RNF20: variants seen among roughly 807,000 people sequenced by gnomAD.
The protein encoded by RNF20 is E3 ubiquitin-protein ligase BRE1A.
A neutral mutation model predicts 126.2 loss-of-function variants in RNF20; 84 were observed. That is an observed-to-expected ratio of 0.67 (90% CI 0.56 to 0.80). RNF20 has a LOEUF of 0.80. Among genes scored for constraint, RNF20 ranks in the 30% least tolerant of loss-of-function variants. The probability of loss-of-function intolerance (pLI) is 0.00; values close to 1 mark genes in which losing one functional copy is unlikely to be tolerated. For synonymous variants in RNF20, 400 were observed against 414.3 expected, an observed-to-expected ratio of 0.97 and a Z score of 0.42; for missense variants, 869 against 1,188.2, an observed-to-expected ratio of 0.73 and a Z score of 3.95.
Position 101,544,845 on chromosome 9 carries a change from CAG to C in RNF20, c.709_710del (p.Asp237SerfsTer19), listed in dbSNP as rs1329006993. On this transcript the variant is annotated frameshift_variant, in exon 6 of 20. Coordinates refer to ENST00000389120, the MANE Select transcript of RNF20 (RefSeq NM_019592.7). LOFTEE classifies it high-confidence loss of function. The stretch of plus-strand genomic sequence containing the variant: ...GAGAATATGAGGCTACAGGAATTGA[CAG>C]ATCTTCTTCAGGAAAAGCATCGCAC... 1.2e-6 allele frequency: 2 copies of C among 1,613,666 alleles called. No individual in the cohort carries two copies. Among genetic ancestry groups the C allele is most frequent in the Admixed American group, 3.3e-5 (2 of 60,012 alleles).
chr9:101,557,025 A>G (rs1324348869), intron 15 of RNF20, among the ~76,000 whole-genome samples: 1 of 152,228 alleles, frequency 6.6e-6, no homozygotes, highest in African/African-American at 2.4e-5. Flanking sequence ...ACTGCTGGAA[A>G]TCCTGTAGAT....
chr9:101,558,082 G>C (rs1424840780), intron 16 of RNF20, among the ~76,000 whole-genome samples: 1 of 149,086 alleles, frequency 6.7e-6, no homozygotes, highest in Non-Finnish European at 1.5e-5. Context: ...AAGTTCTTTA[G>C]TGGTGATACC....
chr9:101,561,006 A>G, intron 17 of RNF20, 80 bp downstream of exon 17: 3 of 1,598,738 alleles, frequency 1.9e-6, no homozygotes, highest in Non-Finnish European at 2.6e-6. Context: ...AGTTCGCTTT[A>G]TTCCTTCAAC....
chr9:101,557,509 A>G lies in RNF20; in HGVS notation c.2295A>G (p.Ser765=), dbSNP rs1827552997. ...EKDDANFKLM[S]ERIKSNQIHK... ...ATGATGCAAATTTCAAGCTCATGTCAGAGCGTATCAAGTCCAATCAGATCC... is the reference window on the plus strand; with the variant it reads ...ATGATGCAAATTTCAAGCTCATGTCGGAGCGTATCAAGTCCAATCAGATCC... Residue 765 remains serine (S), a synonymous_variant, in exon 16 of 20, where the codon TCA becomes TCG. Transcript: ENST00000389120. 1 of 1,614,090 alleles carries G rather than the reference A, an allele frequency of 6.2e-7. No homozygotes were observed. Among genetic ancestry groups the G allele is most frequent in the Non-Finnish European group, 8.5e-7 (1 of 1,179,956 alleles).
chr9:101,540,471 T>C lies in RNF20; in HGVS notation c.298-19T>C, dbSNP rs377423269. 3 of 1,612,840 alleles carry C rather than the reference T, an allele frequency of 1.9e-6. No homozygotes were observed. Among genetic ancestry groups the C allele is most frequent in the African/African-American group, 2.7e-5 (2 of 74,974 alleles). Reference sequence around the variant, plus strand: ...GTTGTGTCCTTTGTTTCTTCATAATTGTACCTACCCTTCTCCAGTTTGATG... The same window carrying C: ...GTTGTGTCCTTTGTTTCTTCATAATCGTACCTACCCTTCTCCAGTTTGATG... On this transcript the variant is annotated intron_variant, in intron 3 of 19. Transcript: ENST00000389120.
chr9:101,547,134 T>C lies in RNF20; in HGVS notation c.895-3T>C, dbSNP rs1462418410. ...CACTAAAGAATCTTTGTGTTCTCTG[T>C]AGGTGAATTCCAAAGGTTATAAGGT... On this transcript the variant is annotated splice_region_variant and splice_polypyrimidine_tract_variant and intron_variant, in intron 7 of 19. Coordinates refer to ENST00000389120, the MANE Select transcript of RNF20 (RefSeq NM_019592.7). The C allele has an allele frequency of 3.1e-6, 5 of 1,613,716 alleles. No individual in the cohort carries two copies. In the African/African-American group the frequency reaches 4.0e-5, roughly 13 times the overall value.
intron 2 of RNF20, among the ~76,000 whole-genome samples, chr9:101,535,871 A>G (rs1248616046): frequency 6.6e-6 from 1 of 152,236 alleles, no homozygotes; most frequent in African/African-American, 2.4e-5. Context: ...TCAGTACCAG[A>G]TTCTAAGAGA....
At chr9:101,540,152 T>G (rs1368384110) in intron 2 of RNF20, 51 bp from the exon 3 acceptor site, 2 of 1,547,178 alleles carry the variant, frequency 1.3e-6, no homozygotes, top group Admixed American at 1.8e-5. Flanking sequence ...GTTTAACGGC[T>G]CATTTTTCTT....
intron 16 of RNF20, 77 bp downstream of exon 16, chr9:101,557,673 T>A (rs192402655): frequency 1.3e-4 from 149 of 1,129,784 alleles, no homozygotes; most frequent in Non-Finnish European, 1.8e-4. Flanking sequence ...AAAAGAATGA[T>A]TATTGTGGCA....
At chr9:101,552,776 C>G (rs1317215139) in intron 13 of RNF20, 23 bp downstream of exon 13, 2 of 1,567,836 alleles carry the variant, frequency 1.3e-6, no homozygotes, top group Non-Finnish European at 8.6e-7. Flanking sequence ...TTTAGAGTAA[C>G]AGTTTCGACT....
intron 13 of RNF20, among the ~76,000 whole-genome samples, 164 bp from the exon 14 acceptor site, chr9:101,553,824 C>T (rs1026442496): frequency 6.6e-6 from 1 of 152,098 alleles, no homozygotes; most frequent in Non-Finnish European, 1.5e-5. Flanking sequence ...CTAAGCATAT[C>T]CAAAAGTCTT....
Position 101,546,960 on chromosome 9 carries a change from A to G in RNF20, c.888A>G (p.Leu296=), listed in dbSNP as rs1564109041. 2 of 1,614,138 alleles carry G rather than the reference A, an allele frequency of 1.2e-6. No individual in the cohort carries two copies. The highest frequency in any genetic ancestry group is 8.5e-7 in the Non-Finnish European group (1 of 1,179,992). The change falls in exon 7 of 20, where the codon CTA becomes CTG. Residue 296 remains leucine, a synonymous_variant. Coordinates refer to ENST00000389120, the MANE Select transcript of RNF20 (RefSeq NM_019592.7). ...TCAACCGACACTTAGCAGAAGTCCT[A>G]GAACGGGTCAGTGCTGTTTTATGGC... is the stretch of plus-strand genomic sequence containing the variant. The part of the protein sequence containing the change: ...QRLNRHLAEV[L]ERVNSKGYKV...
At chr9:101,549,172 G>A (rs1232371999) in intron 9 of RNF20, among the ~76,000 whole-genome samples, 3 of 152,154 alleles carry the variant, frequency 2.0e-5, no homozygotes, top group Non-Finnish European at 2.9e-5. Flanking sequence ...TGCGGAGACC[G>A]GTAGTGGCCC....
rs763091222 is a variant in RNF20 at position 101,540,887 on chromosome 9, T to G, written c.540T>G (p.Ser180=). The change falls in exon 5 of 20, where the codon TCT becomes TCG. Residue 180 remains serine, a synonymous_variant. Transcript: ENST00000389120. ...MESQLQERVE[S]SRRAVSQIVT... ...CTCAGCTGCAGGAACGTGTGGAGTC[T>G]TCCCGCCGAGCCGTGTCCCAGATTG... 1 of 1,613,980 alleles carries G rather than the reference T, an allele frequency of 6.2e-7. No homozygotes were observed.
At chr9:101,536,600 A>G (rs1827188595) in intron 2 of RNF20, among the ~76,000 whole-genome samples, 1 of 152,236 alleles carries the variant, frequency 6.6e-6, no homozygotes, top group Non-Finnish European at 1.5e-5. Context: ...TTCACTCAAT[A>G]TATAAATATT....
rs1489222593 is a variant in RNF20 at position 101,557,470 on chromosome 9, A to G, written c.2256A>G (p.Gln752=). The change falls in exon 16 of 20, where the codon CAA becomes CAG. Residue 752 remains glutamine, a synonymous_variant. Coordinates refer to ENST00000389120, the MANE Select transcript of RNF20 (RefSeq NM_019592.7). Reference sequence around the variant, plus strand: ...AGCAAAATATCCGTTTGATGCAGCAATTGCGGGAGAAGGATGATGCAAATT... The same window carrying G: ...AGCAAAATATCCGTTTGATGCAGCAGTTGCGGGAGAAGGATGATGCAAATT... ...MQEQNIRLMQ[Q]LREKDDANFK... 6.2e-7 allele frequency: 1 copy of G among 1,614,036 alleles called. No homozygotes were observed. The highest frequency in any genetic ancestry group is 1.1e-5 in the South Asian group (1 of 91,082).
rs780450659 is a variant in RNF20, at chr9:101,540,196, TG to T, written c.130-4del. On this transcript the variant is annotated splice_polypyrimidine_tract_variant and splice_region_variant and intron_variant, in intron 2 of 19. Transcript: ENST00000389120. ...GTGGAGACTAATACGATTGGTTTAC[TG>T]GGCAGGAGGAACTAGACATTAGAAC... 3 of 1,612,846 alleles carry T rather than the reference TG, an allele frequency of 1.9e-6. No individual in the cohort carries two copies. The highest frequency in any genetic ancestry group is 2.2e-5 in the South Asian group (2 of 91,036).
intron 18 of RNF20, chr9:101,561,496 A>G (rs1051297252): frequency 1.1e-5 from 5 of 450,548 alleles, no homozygotes; most frequent in Non-Finnish European, 2.0e-5. Context: ...TAGCAGCAGT[A>G]GAGGATTTTC....
Position 101,561,243 on chromosome 9 carries a change from G to C in RNF20, c.2649+13G>C, listed in dbSNP as rs547609153. The C allele has an allele frequency of 2.5e-6, 4 of 1,612,452 alleles. No individual in the cohort carries two copies. In the Admixed American group the frequency reaches 6.7e-5, roughly 27 times the overall value. ...CAAACGAGCCCAGGTAAAAGCAGTT[G>C]TCTTTTCTTGTCACCTTTTAGGTGT... On this transcript the variant is annotated intron_variant, in intron 18 of 19. Coordinates refer to ENST00000389120, the MANE Select transcript of RNF20 (RefSeq NM_019592.7).
Sources: allele counts gnomAD v4.1 joint callset (sites outside exome capture counted in the v4.1 genomes callset), GRCh38; gene constraint gnomAD v4.1.1; transcripts MANE v1.5; gene names NCBI Gene and HGNC (gene_info 2026-07-23, HGNC 2026-07-21).